Variants in PABPC4L observed in about 807,000 individuals in gnomAD.
The protein encoded by PABPC4L is polyadenylate-binding protein 4-like.
For missense variants in PABPC4L, 452 were observed against 451.4 expected (o/e 1.00, Z -0.01); for synonymous variants, 169 against 164.1 (o/e 1.03, Z -0.23).
At chr4:134,062,702 A>G in the PABPC4L span, among the ~76,000 whole-genome samples, 1 of 152,124 alleles carries the variant, frequency 6.6e-6, no homozygotes, top group African/African-American at 2.4e-5. Context: ...TGCTATTTTG[A>G]CTATAAAGCT....
At chr4:134,059,908 G>T in the PABPC4L span, among the ~76,000 whole-genome samples, 2 of 152,064 alleles carry the variant, frequency 1.3e-5, no homozygotes, top group Non-Finnish European at 2.9e-5. Context: ...ACAGTACCTG[G>T]TTTTAACTTC....
At chr4:134,088,312 A>G in the PABPC4L span, among the ~76,000 whole-genome samples, 1 of 152,116 alleles carries the variant, frequency 6.6e-6, no homozygotes, top group Non-Finnish European at 1.5e-5. Context: ...GGTATCTCCA[A>G]GGGAATGGTT....
chr4:134,143,355 A>C, the PABPC4L span, among the ~76,000 whole-genome samples: 1 of 150,268 alleles, frequency 6.7e-6, no homozygotes, highest in African/African-American at 2.4e-5. Context: ...CATATTATGT[A>C]ATATTTATGC....
the PABPC4L span, among the ~76,000 whole-genome samples, chr4:133,963,824 G>T: frequency 2.6e-5 from 4 of 151,988 alleles, no homozygotes; most frequent in African/African-American, 9.7e-5. Flanking sequence ...TACAGCAAAG[G>T]CAGTGCTAAG....
the PABPC4L span, among the ~76,000 whole-genome samples, chr4:134,150,373 C>T: frequency 2.6e-5 from 4 of 152,000 alleles, no homozygotes; most frequent in African/African-American, 4.8e-5. Context: ...CATGAGCCAC[C>T]GTGCCCTGCA....
the PABPC4L span, among the ~76,000 whole-genome samples, chr4:134,033,697 T>C: frequency 4.6e-5 from 7 of 152,032 alleles, no homozygotes; most frequent in East Asian, 1.4e-3. Context: ...AATCGCAATC[T>C]AGAGCAAAGC....
chr4:134,079,028 G>A, the PABPC4L span, among the ~76,000 whole-genome samples: 1 of 134,950 alleles, frequency 7.4e-6, no homozygotes, highest in East Asian at 2.4e-4. Flanking sequence ...CTGGGGTGTA[G>A]TGACCTGATC....
At chr4:134,054,211 A>G in the PABPC4L span, among the ~76,000 whole-genome samples, 1 of 142,726 alleles carries the variant, frequency 7.0e-6, no homozygotes, top group Non-Finnish European at 1.5e-5. Context: ...TGTTTCTAAT[A>G]TATTTTGATT....
the PABPC4L span, among the ~76,000 whole-genome samples, chr4:134,075,936 G>T: frequency 6.6e-6 from 1 of 151,614 alleles, no homozygotes; most frequent in Admixed American, 6.6e-5. Context: ...AAGTTGGTTA[G>T]CAAGGCACAC....
chr4:134,038,293 T>C, the PABPC4L span, among the ~76,000 whole-genome samples: 1 of 152,128 alleles, frequency 6.6e-6, no homozygotes, highest in Non-Finnish European at 1.5e-5. Flanking sequence ...CTTTTTTTGT[T>C]GTGTCTCTGC....
At chr4:134,038,462 TG>T in the PABPC4L span, among the ~76,000 whole-genome samples, 1 of 152,168 alleles carries the variant, frequency 6.6e-6, no homozygotes, top group South Asian at 2.1e-4. Flanking sequence ...AGGACTTTTT[TG>T]GTTGGTAGGC....
chr4:133,979,164 A>G, the PABPC4L span, among the ~76,000 whole-genome samples: 1 of 152,200 alleles, frequency 6.6e-6, no homozygotes, highest in Non-Finnish European at 1.5e-5. Flanking sequence ...AAGTTGACTA[A>G]GTGTCAGGCC....
chr4:134,189,720 G>C, the PABPC4L span, among the ~76,000 whole-genome samples: 3 of 152,010 alleles, frequency 2.0e-5, no homozygotes, highest in African/African-American at 4.8e-5. Context: ...CTGTGCTCTT[G>C]CACTATGAAC....
At chr4:134,174,713 C>A in the PABPC4L span, among the ~76,000 whole-genome samples, 1 of 152,232 alleles carries the variant, frequency 6.6e-6, no homozygotes, top group South Asian at 2.1e-4. Flanking sequence ...GCATTATCTA[C>A]GTAAGTATTC....
At chr4:134,107,726 TA>T in the PABPC4L span, among the ~76,000 whole-genome samples, 1 of 151,810 alleles carries the variant, frequency 6.6e-6, no homozygotes, top group East Asian at 1.9e-4. Context: ...AGTTTGAATT[TA>T]AATATCTCTT....
At chr4:134,046,862 G>C in the PABPC4L span, among the ~76,000 whole-genome samples, 3 of 152,168 alleles carry the variant, frequency 2.0e-5, no homozygotes, top group African/African-American at 7.2e-5. Context: ...TGGGGCTAAA[G>C]TTACAGATTA....
At chr4:134,189,537 TTACCA>T in the PABPC4L span, among the ~76,000 whole-genome samples, 1 of 152,040 alleles carries the variant, frequency 6.6e-6, no homozygotes, top group African/African-American at 2.4e-5. Context: ...ACAGTTTCTT[TTACCA>T]TGTGTATATA....
chr4:134,039,004 G>A, the PABPC4L span, among the ~76,000 whole-genome samples: 1 of 152,092 alleles, frequency 6.6e-6, no homozygotes, highest in Non-Finnish European at 1.5e-5. Flanking sequence ...ATGTGTCCCA[G>A]AGATTCTGGT....
the PABPC4L span, among the ~76,000 whole-genome samples, chr4:134,103,403 C>G: frequency 4.0e-5 from 6 of 151,590 alleles, no homozygotes; most frequent in Non-Finnish European, 8.9e-5. Context: ...ATCAAGGTGT[C>G]TGTAGATTTG....
Sources: allele counts gnomAD v4.1 joint callset (sites outside exome capture counted in the v4.1 genomes callset), GRCh38; gene constraint gnomAD v4.1.1; transcripts MANE v1.5; gene names NCBI Gene and HGNC (gene_info 2026-07-23, HGNC 2026-07-21).